TENM2: variants seen among roughly 807,000 people sequenced by gnomAD.
TENM2 encodes the protein teneurin-2.
A neutral mutation model predicts 245.2 loss-of-function variants in TENM2; 52 were observed. The observed-to-expected ratio is 0.21, with a 90% CI of 0.17 to 0.27. The LOEUF is 0.27. Ranked by LOEUF, TENM2 falls within the 10% of genes least tolerant of loss-of-function variation. TENM2 has a pLI of 1.00. For synonymous variants in TENM2, 1,363 were observed against 1,438.9 expected (o/e 0.95, Z 1.19); for missense variants, 3,046 against 3,666.8 (o/e 0.83, Z 4.37).
chr5:167,998,283 T>C (rs749910253), intron 5 of TENM2, among the ~76,000 whole-genome samples: 1 of 152,226 alleles, frequency 6.6e-6, no homozygotes, highest in African/African-American at 2.4e-5. Context: ...GCCTTCGTTG[T>C]TGAGGTTTTC....
chr5:167,387,557 G>A (rs1761512439), intron 2 of TENM2, among the ~76,000 whole-genome samples: 1 of 152,046 alleles, frequency 6.6e-6, no homozygotes, highest in Admixed American at 6.6e-5. Flanking sequence ...GTACTATGTT[G>A]AAGAGGAGTG....
At chr5:167,690,923 ATGTGTGTGTGTGTGTGTGTGTGTGTGTG>A (rs375456466) in intron 2 of TENM2, among the ~76,000 whole-genome samples, 1 of 78,732 alleles carries the variant, frequency 1.3e-5, no homozygotes, top group African/African-American at 4.9e-5. Context: ...ATATGCGAGT[ATGTGTGTGTGTGTGTGTGTGTGTGTGTG>A]TGTGTGTGTG....
intron 12 of TENM2, among the ~76,000 whole-genome samples, chr5:168,135,384 A>G (rs1157259737): frequency 1.3e-5 from 2 of 152,056 alleles, no homozygotes; most frequent in East Asian, 3.9e-4. Context: ...TTTTCATAGC[A>G]TTCTATTTCA....
chr5:167,816,981 G>A (rs1767108919), intron 2 of TENM2, among the ~76,000 whole-genome samples: 1 of 152,198 alleles, frequency 6.6e-6, no homozygotes, highest in Non-Finnish European at 1.5e-5. Context: ...GATTAGCTGA[G>A]ATCTGTGCAG....
chr5:167,865,375 G>A (rs1346504790), intron 2 of TENM2, among the ~76,000 whole-genome samples: 1 of 152,064 alleles, frequency 6.6e-6, no homozygotes, highest in Non-Finnish European at 1.5e-5. Flanking sequence ...CTGGGCTCAA[G>A]CAGTCTTCCC....
chr5:167,470,697 A>C (rs951718477), intron 2 of TENM2, among the ~76,000 whole-genome samples: 1 of 151,920 alleles, frequency 6.6e-6, no homozygotes, highest in Non-Finnish European at 1.5e-5. Context: ...AAGAGGCCAA[A>C]TCAAGACCCT....
intron 2 of TENM2, among the ~76,000 whole-genome samples, chr5:167,416,673 C>T (rs887869549): frequency 1.0e-5 from 1 of 98,754 alleles, no homozygotes; most frequent in Non-Finnish European, 2.1e-5. Flanking sequence ...GAATTACTCT[C>T]TTGCTGTTTT....
intron 1 of TENM2, among the ~76,000 whole-genome samples, chr5:167,336,199 T>G (rs1362778572): frequency 3.4e-5 from 5 of 149,122 alleles, no homozygotes. Flanking sequence ...TTTTTTTTTT[T>G]TCCGGTCAGG....
At chr5:167,697,124 T>C (rs903439623) in intron 2 of TENM2, among the ~76,000 whole-genome samples, 16 of 152,310 alleles carry the variant, frequency 1.1e-4, no homozygotes, top group African/African-American at 3.8e-4. Flanking sequence ...CAGTCATCCC[T>C]GTTGTGACAA....
intron 3 of TENM2, among the ~76,000 whole-genome samples, chr5:167,934,263 A>G (rs1423182253): frequency 2.0e-5 from 3 of 152,208 alleles, no homozygotes; most frequent in Non-Finnish European, 4.4e-5. Context: ...TTCCAGCACC[A>G]TATCACATTA....
At chr5:168,106,186 C>T (rs1483666914) in intron 9 of TENM2, among the ~76,000 whole-genome samples, 1 of 152,190 alleles carries the variant, frequency 6.6e-6, no homozygotes, top group African/African-American at 2.4e-5. Context: ...ACCACGGGAA[C>T]ATAAAGTCTT....
chr5:167,912,628 GTC>G (rs1311727467), intron 3 of TENM2, among the ~76,000 whole-genome samples: 1 of 152,152 alleles, frequency 6.6e-6, no homozygotes, highest in African/African-American at 2.4e-5. Context: ...AAGGGCACAA[GTC>G]TGTTATTCCT....
chr5:167,010,188 A>C, the TENM2 span, among the ~76,000 whole-genome samples: 65,622 of 151,814 alleles, frequency 0.43, 14,488 homozygotes, highest in African/African-American at 0.5. Flanking sequence ...TCGAGACCAG[A>C]CTGACCAACA....
chr5:167,517,910 G>C (rs533251569), intron 2 of TENM2, among the ~76,000 whole-genome samples: 5 of 152,042 alleles, frequency 3.3e-5, no homozygotes, highest in African/African-American at 1.2e-4. Context: ...AGCAGGGGCC[G>C]GGCACCGTGG....
At chr5:167,049,337 A>C in the TENM2 span, among the ~76,000 whole-genome samples, 25 of 152,214 alleles carry the variant, frequency 1.6e-4, no homozygotes, top group African/African-American at 6.0e-4. Flanking sequence ...TTTGTGGAGC[A>C]TTCAGGGTTT....
intron 2 of TENM2, among the ~76,000 whole-genome samples, chr5:167,571,656 T>A (rs539418334): frequency 6.6e-6 from 1 of 152,222 alleles, no homozygotes; most frequent in Non-Finnish European, 1.5e-5. Context: ...TCTCTCCTTT[T>A]GTCTGCTTTG....
chr5:167,786,770 A>G (rs1764605119), intron 2 of TENM2, among the ~76,000 whole-genome samples: 1 of 152,108 alleles, frequency 6.6e-6, no homozygotes, highest in Non-Finnish European at 1.5e-5. Context: ...TGTCTTTACC[A>G]CCCAGGAGCT....
rs138037665 is a variant in TENM2 at position 167,678,627 on chromosome 5, T to C, written c.503-197359T>C. 2.6e-5 allele frequency among the ~76,000 whole-genome samples: 4 copies of C among 152,112 alleles called. No individual in the cohort carries two copies. The East Asian group carries it at 7.7e-4, about 29-fold the overall frequency. ...TTGAGGGCAAAGATGAATCACATTT[T>C]TTTAGGCATTCCATAAATGTTTGTG... On this transcript the variant is annotated intron_variant, in intron 2 of 28. Transcript: ENST00000518659.
At chr5:167,798,933 C>A (rs1765508256) in intron 2 of TENM2, among the ~76,000 whole-genome samples, 1 of 152,212 alleles carries the variant, frequency 6.6e-6, no homozygotes, top group Non-Finnish European at 1.5e-5. Context: ...AGTTCTCTCT[C>A]TTCTGCCCAA....
Sources: allele counts gnomAD v4.1 joint callset (sites outside exome capture counted in the v4.1 genomes callset), GRCh38; gene constraint gnomAD v4.1.1; transcripts MANE v1.5; gene names NCBI Gene and HGNC (gene_info 2026-07-23, HGNC 2026-07-21).